Variants in BEND5 observed in about 807,000 individuals in gnomAD.
The protein encoded by BEND5 is BEN domain containing 5.
BEND5 carries 22 observed loss-of-function variants against 43.9 expected under a neutral mutation model. That is an observed-to-expected ratio of 0.50 (90% CI 0.36 to 0.72). The LOEUF is 0.72. Ranked by LOEUF, BEND5 falls within the 30% of genes least tolerant of loss-of-function variation. The probability of loss-of-function intolerance (pLI) is 0.00; values close to 1 mark genes in which losing one functional copy is unlikely to be tolerated. For synonymous variants in BEND5, 228 were observed against 225.9 expected (o/e 1.01, Z -0.08); for missense variants, 428 against 550.6 (o/e 0.78, Z 2.23).
intron 5 of BEND5, 98 bp from the exon 6 acceptor site, chr1:48,728,141 C>A: frequency 9.0e-7 from 1 of 1,105,938 alleles, no homozygotes; most frequent in Non-Finnish European, 1.3e-6. Flanking sequence ...AACATACTTC[C>A]CAAATACCAG....
chr1:48,754,565 G>A (rs1239462658), intron 3 of BEND5, among the ~76,000 whole-genome samples: 2 of 152,198 alleles, frequency 1.3e-5, no homozygotes, highest in East Asian at 1.9e-4. Context: ...GGGGGAGGAG[G>A]GGCAGGAAAG....
chr1:48,738,968 C>T (rs372414933), intron 4 of BEND5, among the ~76,000 whole-genome samples: 12 of 152,320 alleles, frequency 7.9e-5, no homozygotes, highest in East Asian at 3.9e-4. Flanking sequence ...CTAAGGTACA[C>T]AATCAGTCAA....
chr1:48,735,861 C>A (rs1648957110), intron 5 of BEND5, among the ~76,000 whole-genome samples: 2 of 152,130 alleles, frequency 1.3e-5, no homozygotes, highest in South Asian at 4.1e-4. Flanking sequence ...AGCAATACCT[C>A]ACCATACACA....
chr1:48,770,122 G>C (rs997178863), intron 1 of BEND5, among the ~76,000 whole-genome samples: 3 of 152,154 alleles, frequency 2.0e-5, no homozygotes, highest in Admixed American at 6.5e-5. Flanking sequence ...ACCAATGCCT[G>C]TGAATTCCAT....
chr1:48,743,999 G>A (rs1266396858), intron 3 of BEND5, among the ~76,000 whole-genome samples: 1 of 152,232 alleles, frequency 6.6e-6, no homozygotes, highest in Non-Finnish European at 1.5e-5. Flanking sequence ...TGGTTGGGGA[G>A]CAGAACAGTG....
intron 1 of BEND5, among the ~76,000 whole-genome samples, chr1:48,766,799 G>C (rs528476020): frequency 6.6e-6 from 1 of 152,196 alleles, no homozygotes; most frequent in African/African-American, 2.4e-5. Context: ...CCCAGAGTGA[G>C]GGTCGGGAAG....
chr1:48,740,501 T>C (rs1382341671), intron 4 of BEND5, among the ~76,000 whole-genome samples: 1 of 152,232 alleles, frequency 6.6e-6, no homozygotes, highest in East Asian at 1.9e-4. Context: ...AGAAACACAA[T>C]GCACTTTACC....
Position 48,728,023 on chromosome 1 carries a change from C to T in BEND5, c.1129G>A (p.Ala377Thr). ...IVRECLYDRI[A>T]QETVDETEIA... ...TCAGTTTCATCCACAGTTTCTTGTGCTATTCTGTCATACAAACACTCTAGA... is the reference window on the plus strand; with the variant it reads ...TCAGTTTCATCCACAGTTTCTTGTGTTATTCTGTCATACAAACACTCTAGA... The change falls in exon 6 of 6, where the codon GCA (alanine) becomes ACA (threonine). Residue 377 changes from alanine to threonine, a missense_variant. Physicochemically the swap from Ala to Thr is moderately conservative, Grantham distance 58 (BLOSUM62 0). This residue lies in a region of BEND5 where 75 missense variants were observed against 148.5 expected (regional missense o/e 0.50). Coordinates refer to ENST00000371833, the MANE Select transcript of BEND5 (RefSeq NM_024603.4). 1 of 1,610,698 alleles carries T rather than the reference C, an allele frequency of 6.2e-7. No individual in the cohort carries two copies. Among genetic ancestry groups the T allele is most frequent in the Non-Finnish European group, 8.5e-7 (1 of 1,177,850 alleles).
intron 4 of BEND5, among the ~76,000 whole-genome samples, chr1:48,739,132 T>TGC (rs1218534044): frequency 6.6e-6 from 1 of 152,214 alleles, no homozygotes; most frequent in African/African-American, 2.4e-5. Context: ...TGTATCTGCC[T>TGC]GGCTACTTCC....
chr1:48,763,444 T>C (rs1644374554), intron 1 of BEND5, among the ~76,000 whole-genome samples: 1 of 152,090 alleles, frequency 6.6e-6, no homozygotes, highest in Non-Finnish European at 1.5e-5. Flanking sequence ...GTACTTCAGA[T>C]GAAATTATCT....
intron 1 of BEND5, among the ~76,000 whole-genome samples, chr1:48,773,539 G>C (rs1274907662): frequency 1.3e-5 from 2 of 152,154 alleles, no homozygotes; most frequent in Admixed American, 1.3e-4. Context: ...TGGAGAAAGA[G>C]CAGAATGGGC....
At chr1:48,751,118 A>T (rs1651670937) in intron 3 of BEND5, among the ~76,000 whole-genome samples, 1 of 152,116 alleles carries the variant, frequency 6.6e-6, no homozygotes, top group Admixed American at 6.5e-5. Flanking sequence ...CATCTATAAG[A>T]TAGGGGTGAA....
intron 4 of BEND5, among the ~76,000 whole-genome samples, chr1:48,738,799 C>T (rs909009572): frequency 3.3e-5 from 5 of 152,060 alleles, no homozygotes; most frequent in African/African-American, 1.2e-4. Context: ...AAAAGGGGTA[C>T]TAGTATTTTT....
intron 1 of BEND5, among the ~76,000 whole-genome samples, chr1:48,764,088 A>G (rs920215727): frequency 6.6e-6 from 1 of 152,216 alleles, no homozygotes; most frequent in African/African-American, 2.4e-5. Flanking sequence ...GGGATACAAG[A>G]TAAAAACACA....
At chr1:48,733,482 C>G (rs138011072) in intron 5 of BEND5, among the ~76,000 whole-genome samples, 1 of 152,202 alleles carries the variant, frequency 6.6e-6, no homozygotes, top group East Asian at 1.9e-4. Flanking sequence ...TTGATGCGAA[C>G]TATCATATTT....
intron 4 of BEND5, among the ~76,000 whole-genome samples, chr1:48,740,353 C>G (rs866193777): frequency 2.0e-5 from 3 of 152,192 alleles, no homozygotes; most frequent in Middle Eastern, 3.2e-3. Flanking sequence ...TGCCTCTAAC[C>G]TGTTATGTAA....
At chr1:48,729,047 T>G (rs1647669434) in intron 5 of BEND5, among the ~76,000 whole-genome samples, 1 of 152,174 alleles carries the variant, frequency 6.6e-6, no homozygotes, top group Non-Finnish European at 1.5e-5. Context: ...CCTGGGGACC[T>G]GGTGCAACTC....
chr1:48,740,262 T>C (rs6588053), intron 4 of BEND5, among the ~76,000 whole-genome samples: 48,797 of 151,974 alleles, frequency 0.32, 8,845 homozygotes, highest in East Asian at 0.71. Flanking sequence ...TGGAGCAATG[T>C]TCAGTTTTCA....
intron 3 of BEND5, among the ~76,000 whole-genome samples, chr1:48,756,525 G>A (rs1643936165): frequency 6.6e-6 from 1 of 152,174 alleles, no homozygotes; most frequent in South Asian, 2.1e-4. Context: ...AGTATTCATG[G>A]AAGAAAATAA....
Sources: gnomAD v4.1 joint callset for allele counts (sites outside exome capture counted in the v4.1 genomes callset) on GRCh38, gnomAD v4.1.1 for gene constraint, gnomAD v4.1.1 regional missense constraint, MANE v1.5 for transcripts, NCBI Gene and HGNC (gene_info 2026-07-23, HGNC 2026-07-21) for gene names.